Variants in TOP6BL observed in about 807,000 individuals in gnomAD.
TOP6BL encodes type 2 DNA topoisomerase 6 subunit B-like.
chr11:66,791,463 C>T, the TOP6BL span, among the ~76,000 whole-genome samples: 1 of 151,966 alleles, frequency 6.6e-6, no homozygotes, highest in Non-Finnish European at 1.5e-5. Context: ...ACAAACATAT[C>T]TATATATTTA....
the TOP6BL span, among the ~76,000 whole-genome samples, chr11:66,832,661 C>G: frequency 3.3e-5 from 5 of 152,258 alleles, no homozygotes; most frequent in Admixed American, 6.5e-5. Flanking sequence ...AGGAACGTGT[C>G]CACTGTTCCT....
At chr11:66,791,979 G>C in the TOP6BL span, among the ~76,000 whole-genome samples, 1 of 151,990 alleles carries the variant, frequency 6.6e-6, no homozygotes, top group Admixed American at 6.6e-5. Context: ...CACCATGCCT[G>C]GCTAATTTTT....
chr11:66,812,185 C>CTTTTTTTTTTTTTTTTTTTTTTTT, the TOP6BL span, among the ~76,000 whole-genome samples: 2 of 140,296 alleles, frequency 1.4e-5, no homozygotes. Flanking sequence ...GAGTTTGCAT[C>CTTTTTTTTTTTTTTTTTTTTTTTT]TTTTTTTTTG....
At chr11:66,797,847 A>T in the TOP6BL span, among the ~76,000 whole-genome samples, 1 of 152,160 alleles carries the variant, frequency 6.6e-6, no homozygotes. Context: ...TAGAGAGCTA[A>T]ATTTTTTATT....
the TOP6BL span, among the ~76,000 whole-genome samples, chr11:66,792,017 T>A: frequency 6.6e-6 from 1 of 152,090 alleles, no homozygotes; most frequent in South Asian, 2.1e-4. Flanking sequence ...TGGGCTGTGT[T>A]AGCCAGATGG....
At chr11:66,796,162 T>TGG in the TOP6BL span, 1 of 699,454 alleles carries the variant, frequency 1.4e-6, no homozygotes, top group South Asian at 2.0e-5. Flanking sequence ...TGTCTCCCTT[T>TGG]GGTTGTCCAA....
the TOP6BL span, chr11:66,762,285 C>A: frequency 2.6e-5 from 12 of 464,336 alleles, no homozygotes; most frequent in Non-Finnish European, 4.3e-5. Flanking sequence ...AGGGCGGGCG[C>A]ACAGCCGGGG....
chr11:66,762,300 G>A, the TOP6BL span: 2 of 429,154 alleles, frequency 4.7e-6, no homozygotes, highest in East Asian at 1.0e-4. Context: ...CCGGGGCGCC[G>A]GCCAGGAGCT....
At chr11:66,787,317 G>A in the TOP6BL span, among the ~76,000 whole-genome samples, 1 of 152,038 alleles carries the variant, frequency 6.6e-6, no homozygotes, top group South Asian at 2.1e-4. Flanking sequence ...GAATGCCTTA[G>A]GAGAAACTTG....
the TOP6BL span, chr11:66,821,566 ATT>A: frequency 6.7e-7 from 1 of 1,490,770 alleles, no homozygotes; most frequent in South Asian, 1.2e-5. Flanking sequence ...ACATCTGGTA[ATT>A]TAAGACTAGC....
chr11:66,818,649 C>T, the TOP6BL span, among the ~76,000 whole-genome samples: 12 of 152,162 alleles, frequency 7.9e-5, no homozygotes, highest in African/African-American at 2.9e-4. Flanking sequence ...CCTCCCTTTT[C>T]ATATCTTTAA....
At chr11:66,773,745 T>C in the TOP6BL span, among the ~76,000 whole-genome samples, 1 of 152,178 alleles carries the variant, frequency 6.6e-6, no homozygotes, top group Non-Finnish European at 1.5e-5. Context: ...ATTTCTTTTT[T>C]CTTTTTTTTG....
the TOP6BL span, among the ~76,000 whole-genome samples, chr11:66,750,033 T>C: frequency 6.6e-6 from 1 of 152,104 alleles, no homozygotes; most frequent in African/African-American, 2.4e-5. Context: ...TTTTCCTTTT[T>C]CCCCCTACTT....
chr11:66,791,745 G>T, the TOP6BL span, among the ~76,000 whole-genome samples: 1 of 151,898 alleles, frequency 6.6e-6, no homozygotes, highest in Non-Finnish European at 1.5e-5. Flanking sequence ...ATGTCAGGCT[G>T]GGGTACTGGG....
the TOP6BL span, among the ~76,000 whole-genome samples, chr11:66,802,357 G>T: frequency 6.6e-6 from 1 of 152,096 alleles, no homozygotes; most frequent in Non-Finnish European, 1.5e-5. Context: ...GTTTCACCAT[G>T]TTGGCCAGGA....
the TOP6BL span, among the ~76,000 whole-genome samples, chr11:66,772,999 C>T: frequency 6.6e-6 from 1 of 152,022 alleles, no homozygotes; most frequent in East Asian, 1.9e-4. Context: ...TCAAGGAAGC[C>T]ATCTGGGCCT....
At chr11:66,806,810 C>G in the TOP6BL span, among the ~76,000 whole-genome samples, 1 of 152,134 alleles carries the variant, frequency 6.6e-6, no homozygotes, top group African/African-American at 2.4e-5. Flanking sequence ...TGTCAGCTAT[C>G]TGATGTTGCA....
chr11:66,787,292 T>C, the TOP6BL span, among the ~76,000 whole-genome samples: 1 of 152,052 alleles, frequency 6.6e-6, no homozygotes, highest in Non-Finnish European at 1.5e-5. Context: ...TAAAACATTA[T>C]GAGATATGTA....
At chr11:66,746,805 G>T in the TOP6BL span, among the ~76,000 whole-genome samples, 1 of 152,066 alleles carries the variant, frequency 6.6e-6, no homozygotes, top group African/African-American at 2.4e-5. Flanking sequence ...GAGCCCGGGA[G>T]GTTGAGGCTG....
Sources: gnomAD v4.1 joint callset for allele counts (sites outside exome capture counted in the v4.1 genomes callset) on GRCh38, gnomAD v4.1.1 for gene constraint, MANE v1.5 for transcripts, NCBI Gene and HGNC (gene_info 2026-07-23, HGNC 2026-07-21) for gene names.